Variants in ASB6 observed in about 807,000 individuals in gnomAD.
ASB6 encodes ankyrin repeat and SOCS box containing 6.
In ASB6, 24 loss-of-function variants were observed where a neutral mutation model predicts 28.6. The ratio of observed to expected loss-of-function variants is 0.84; its 90% confidence interval spans 0.61 to 1.18. ASB6 has a LOEUF of 1.18. Among genes scored for constraint, ASB6 ranks in the 50% most tolerant of loss-of-function variants. The pLI is 0.00. For missense variants in ASB6, 519 were observed against 559.8 expected, an observed-to-expected ratio of 0.93 and a Z score of 0.74; for synonymous variants, 267 against 243.4, an observed-to-expected ratio of 1.10 and a Z score of -0.90.
chr9:129,639,441 C>T lies in ASB6; in HGVS notation c.363G>A (p.Leu121=). ...VLRNQPDMVE[L]LVHHGADVNR... is the part of the protein sequence containing the mutation. ...TAACGTCGGCCCCGTGATGCACCAG[C>T]AGCTCCACCATGTCCGGCTGGTTCC... The change falls in exon 3 of 6, where the codon CTG becomes CTA. Residue 121 remains leucine, a synonymous_variant. Transcript: ENST00000277458. 3 of 1,613,756 alleles carry T rather than the reference C, an allele frequency of 1.9e-6. No homozygotes were observed. Among genetic ancestry groups the T allele is most frequent in the South Asian group, 2.2e-5 (2 of 91,018 alleles).
chr9:129,635,604 G>C lies in ASB6; in HGVS notation c.*2186C>G. 9.2e-7 allele frequency: 1 copy of C among 1,089,472 alleles called. No individual in the cohort carries two copies. The highest frequency in any genetic ancestry group is 1.5e-5 in the South Asian group (1 of 64,812). The allele number at this position is 1,089,472 out of a possible 1,614,324, so 67.5% of individuals were successfully genotyped here. A position where few individuals can be genotyped will look rare whatever the true frequency, so the allele number is the denominator to read the frequency against. ...TAGCTGTCTGCCGTCCACTCATTAT[G>C]CGGGCTCTTCTTCAAAAGGCAAGGT... On this transcript the variant is annotated 3_prime_UTR_variant, in exon 6 of 6. Transcript: ENST00000277458.
Position 129,639,461 on chromosome 9 carries a change from G to C in ASB6, c.343C>G (p.Gln115Glu). ...TALHIAVLRN[Q>E]PDMVELLVHH... ...ACCAGCAGCTCCACCATGTCCGGCT[G>C]GTTCCGCAGGACGGCGATGTGCAAG... The change falls in exon 3 of 6, where the codon CAG (glutamine) becomes GAG (glutamate). Residue 115 changes from glutamine to glutamate, a missense_variant. By Grantham distance (29) the Gln-to-Glu change is conservative. Coordinates refer to ENST00000277458, the MANE Select transcript of ASB6 (RefSeq NM_017873.4). The C allele has an allele frequency of 1.9e-6, 3 of 1,613,874 alleles. No individual in the cohort carries two copies. Among genetic ancestry groups the C allele is most frequent in the Non-Finnish European group, 2.5e-6 (3 of 1,179,836 alleles).
chr9:129,634,991 T>G lies in ASB6; in HGVS notation c.*2799A>C. 8.5e-6 allele frequency: 5 copies of G among 586,460 alleles called. No individual in the cohort carries two copies. Among genetic ancestry groups the G allele is most frequent in the South Asian group, 4.4e-5 (2 of 45,458 alleles). The allele number at this position is 586,460 out of a possible 1,614,324, so 36.3% of individuals were successfully genotyped here. A position where few individuals can be genotyped will look rare whatever the true frequency, so the allele number is the denominator to read the frequency against. ...CCATCCCGTCAAGTCAAATTCTGGC[T>G]TAATGTGTCTTTAGGTAGATGACCT... is the stretch of plus-strand genomic sequence containing the variant. On this transcript the variant is annotated 3_prime_UTR_variant, in exon 6 of 6. Transcript: ENST00000277458.
chr9:129,639,168 C>T, intron 4 of ASB6, 34 bp downstream of exon 4: 1 of 1,565,980 alleles, frequency 6.4e-7, no homozygotes, highest in Non-Finnish European at 8.7e-7. Flanking sequence ...GCCTGGGGGC[C>T]CAGCTGTCCT....
chr9:129,640,567 C>T lies in ASB6; in HGVS notation c.269G>A (p.Arg90Gln), dbSNP rs1327745896. 1.9e-6 allele frequency: 3 copies of T among 1,611,706 alleles called. No individual in the cohort carries two copies. Among genetic ancestry groups the T allele is most frequent in the Non-Finnish European group, 2.5e-6 (3 of 1,179,464 alleles). Residue 90 changes from arginine to glutamine, a missense_variant, in exon 2 of 6, where the codon CGG (arginine) becomes CAG (glutamine). Arg to Gln is a conservative substitution (Grantham distance 43). Coordinates refer to ENST00000277458, the MANE Select transcript of ASB6 (RefSeq NM_017873.4). ...TTCAAAGTTGAGATTGGCCCCATGCCGCAAGAGAACGTCGGCCGCCCGCGT... is the reference window on the plus strand; with the variant it reads ...TTCAAAGTTGAGATTGGCCCCATGCTGCAAGAGAACGTCGGCCGCCCGCGT... ...GLTRAADVLL[R>Q]HGANLNFEDP...
In ASB6 at chr9:129,636,472, G is replaced by GA. The variant is rs1460275973; in HGVS notation, c.*1317dup. 6.6e-6 allele frequency: 1 copy of GA among 151,942 alleles called. No individual in the cohort carries two copies. The highest frequency in any genetic ancestry group is 1.9e-4 in the East Asian group (1 of 5,178). 9.4% of individuals were successfully genotyped at this position (151,942 alleles called of 1,614,324 possible). A position where few individuals can be genotyped will look rare whatever the true frequency, so the allele number is the denominator to read the frequency against. ...AGCACTTTGAAAGGCCGAGGCAGGC[G>GA]AATCACCTGAGGTCAGGAGTTTGAG... On this transcript the variant is annotated 3_prime_UTR_variant, in exon 6 of 6. Transcript: ENST00000277458.
Position 129,638,307 on chromosome 9 carries a change from C to T in ASB6, c.749G>A (p.Gly250Glu). The T allele has an allele frequency of 6.2e-7, 1 of 1,612,842 alleles. No homozygotes were observed. The highest frequency in any genetic ancestry group is 1.1e-5 in the South Asian group (1 of 91,074). Reference sequence around the variant, plus strand: ...GGCTGGGCACTCGCTGGGGTCGGCCCCGTGTGCCAGCAGCAGCCGTGTGAC... The same window carrying T: ...GGCTGGGCACTCGCTGGGGTCGGCCTCGTGTGCCAGCAGCAGCCGTGTGAC... ...FQVTRLLLAH[G>E]ADPSECPAHE... is the part of the protein sequence containing the mutation. Residue 250 changes from glycine (G) to glutamate (E), a missense_variant, in exon 6 of 6, where the codon GGG becomes GAG. Coordinates refer to ENST00000277458, the MANE Select transcript of ASB6 (RefSeq NM_017873.4).
intron 1 of ASB6, 44 bp from the exon 2 acceptor site, chr9:129,640,766 G>C (rs769736022): frequency 6.2e-7 from 1 of 1,608,072 alleles, no homozygotes; most frequent in Admixed American, 1.7e-5. Context: ...CTGTGGGACC[G>C]GGTGACCGCG....
At position 129,638,644 on chromosome 9, in the gene ASB6, A is replaced by G. The variant is rs375226911; in HGVS notation, c.527T>C (p.Leu176Pro). 1 of 1,613,226 alleles carries G rather than the reference A, an allele frequency of 6.2e-7. No individual in the cohort carries two copies. Among genetic ancestry groups the G allele is most frequent in the Middle Eastern group, 1.6e-4 (1 of 6,062 alleles). Residue 176 changes from leucine to proline, a missense_variant, in exon 5 of 6, where the codon CTC (leucine) becomes CCC (proline). Transcript: ENST00000277458. ...AADKHGKTAL[L>P]HALASSDGVQ... The stretch of plus-strand genomic sequence containing the variant: ...CCCGTCGCTGCTGGCCAGAGCATGG[A>G]GCAGAGCAGTTTTTCCTAGGGAGGG...
rs1588147199 is a variant in ASB6, at chr9:129,635,681, A to T, written c.*2109T>A. The T allele has an allele frequency of 1.7e-6, 1 of 577,754 alleles. No individual in the cohort carries two copies. 35.8% of individuals were successfully genotyped at this position (577,754 alleles called of 1,614,324 possible). A position where few individuals can be genotyped will look rare whatever the true frequency, so the allele number is the denominator to read the frequency against. ...AACCAGCGGTGAGGCAGGAGCCCAG[A>T]CCCTGCTCTCCTGCGAGATGGGATT... On this transcript the variant is annotated 3_prime_UTR_variant, in exon 6 of 6. Coordinates refer to ENST00000277458, the MANE Select transcript of ASB6 (RefSeq NM_017873.4).
Position 129,637,746 on chromosome 9 carries a change from G to T in ASB6, c.*44C>A, listed in dbSNP as rs1392861719. ...CTGTCCCAGCATCTACCAACAGGCT[G>T]ACCTGAGCTGCCCGTGTCCCCCGTT... On this transcript the variant is annotated 3_prime_UTR_variant, in exon 6 of 6. Transcript: ENST00000277458. 6.8e-7 allele frequency: 1 copy of T among 1,466,596 alleles called. No individual in the cohort carries two copies. The allele number at this position is 1,466,596 out of a possible 1,614,324, so 90.8% of individuals were successfully genotyped here. A position where few individuals can be genotyped will look rare whatever the true frequency, so the allele number is the denominator to read the frequency against.
chr9:129,639,357 C>G, intron 3 of ASB6, 45 bp downstream of exon 3: 1 of 1,602,580 alleles, frequency 6.2e-7, no homozygotes, highest in Non-Finnish European at 8.5e-7. Flanking sequence ...GCTGCTCAGG[C>G]CCCTGCCCAA....
At chr9:129,641,817 T>G in intron 1 of ASB6, 70 bp downstream of exon 1, 1 of 1,434,146 alleles carries the variant, frequency 7.0e-7, no homozygotes, top group South Asian at 1.3e-5. Context: ...CCCGCCCGGC[T>G]TGTGGTGATA....
At position 129,634,618 on chromosome 9, in the gene ASB6, G is replaced by T; in HGVS notation, c.*3172C>A. On this transcript the variant is annotated 3_prime_UTR_variant, in exon 6 of 6. Coordinates refer to ENST00000277458, the MANE Select transcript of ASB6 (RefSeq NM_017873.4). ...ATTCAAAGTGAGGAGTTTTATAAGGGTTTTATTTTTAATAAGATGAATAGT... is the reference window on the plus strand; with the variant it reads ...ATTCAAAGTGAGGAGTTTTATAAGGTTTTTATTTTTAATAAGATGAATAGT... 1 of 307,080 alleles carries T rather than the reference G, an allele frequency of 3.3e-6. No homozygotes were observed. The highest frequency in any genetic ancestry group is 6.4e-5 in the East Asian group (1 of 15,572). The allele number at this position is 307,080 out of a possible 1,614,324, so 19.0% of individuals were successfully genotyped here.
Position 129,638,641 on chromosome 9 carries a change from T to C in ASB6, c.530A>G (p.His177Arg), listed in dbSNP as rs1364466571. The part of the protein sequence containing the change: ...ADKHGKTALL[H>R]ALASSDGVQI... Reference sequence around the variant, plus strand: ...CACCCCGTCGCTGCTGGCCAGAGCATGGAGCAGAGCAGTTTTTCCTAGGGA... The same window carrying C: ...CACCCCGTCGCTGCTGGCCAGAGCACGGAGCAGAGCAGTTTTTCCTAGGGA... Residue 177 changes from histidine (H) to arginine (R), a missense_variant, in exon 5 of 6, where the codon CAT becomes CGT. Physicochemically the swap from His to Arg is conservative, Grantham distance 29 (BLOSUM62 0). Coordinates refer to ENST00000277458, the MANE Select transcript of ASB6 (RefSeq NM_017873.4). The C allele has an allele frequency of 6.2e-7, 1 of 1,613,278 alleles. No individual in the cohort carries two copies. Among genetic ancestry groups the C allele is most frequent in the Non-Finnish European group, 8.5e-7 (1 of 1,179,706 alleles).
Position 129,637,727 on chromosome 9 carries a change from C to T in ASB6, c.*63G>A, listed in dbSNP as rs1162804739. On this transcript the variant is annotated 3_prime_UTR_variant, in exon 6 of 6. Coordinates refer to ENST00000277458, the MANE Select transcript of ASB6 (RefSeq NM_017873.4). Reference sequence around the variant, plus strand: ...AAAAGACCCTCTTCTAATGCTGTCCCAGCATCTACCAACAGGCTGACCTGA... The same window carrying T: ...AAAAGACCCTCTTCTAATGCTGTCCTAGCATCTACCAACAGGCTGACCTGA... 15 of 1,425,786 alleles carry T rather than the reference C, an allele frequency of 1.1e-5. No homozygotes were observed. The East Asian group carries it at 3.5e-4, about 33-fold the overall frequency. 88.3% of individuals were successfully genotyped at this position (1,425,786 alleles called of 1,614,324 possible).
rs1485018625 is a variant in ASB6, at chr9:129,637,925, G to A, written c.1131C>T (p.His377=). ...AGAGCCGGATGGCCACACGGCACAG[G>A]TGCTTGAGGGGCGGGGGATAGCTCT... ...QLESYPPPLK[H]LCRVAIRLYL... is the part of the protein sequence containing the mutation. The change falls in exon 6 of 6, where the codon CAC becomes CAT. Residue 377 remains histidine (H), a synonymous_variant. Coordinates refer to ENST00000277458, the MANE Select transcript of ASB6 (RefSeq NM_017873.4). The A allele has an allele frequency of 3.8e-6, 6 of 1,592,068 alleles. No individual in the cohort carries two copies. The highest frequency in any genetic ancestry group is 1.3e-5 in the African/African-American group (1 of 74,446).
Position 129,635,247 on chromosome 9 carries a change from G to C in ASB6, c.*2543C>G. The stretch of plus-strand genomic sequence containing the variant: ...CAGCACCTGGCCGAGTTCCTGCGGC[G>C]CTGCAAGGGCAGCCTCCGCCCCAAC... On this transcript the variant is annotated 3_prime_UTR_variant, in exon 6 of 6. Coordinates refer to ENST00000277458, the MANE Select transcript of ASB6 (RefSeq NM_017873.4). 1 of 1,612,652 alleles carries C rather than the reference G, an allele frequency of 6.2e-7. No homozygotes were observed. The highest frequency in any genetic ancestry group is 8.5e-7 in the Non-Finnish European group (1 of 1,180,000).
chr9:129,635,222 C>G lies in ASB6; in HGVS notation c.*2568G>C, dbSNP rs1831467224. On this transcript the variant is annotated 3_prime_UTR_variant, in exon 6 of 6. Transcript: ENST00000277458. ...GCCCTCCCCAGGCCACCTCACCGATCAGCACCTGGCCGAGTTCCTGCGGCG... is the reference window on the plus strand; with the variant it reads ...GCCCTCCCCAGGCCACCTCACCGATGAGCACCTGGCCGAGTTCCTGCGGCG... 2 of 1,610,218 alleles carry G rather than the reference C, an allele frequency of 1.2e-6. No homozygotes were observed. Among genetic ancestry groups the G allele is most frequent in the Non-Finnish European group, 1.7e-6 (2 of 1,179,870 alleles).
Sources: gnomAD v4.1 joint callset for allele counts on GRCh38, gnomAD v4.1.1 for gene constraint, MANE v1.5 for transcripts, NCBI Gene and HGNC (gene_info 2026-07-23, HGNC 2026-07-21) for gene names.